CDK11A: variants seen among roughly 807,000 people sequenced by gnomAD.
CDK11A encodes the protein cyclin dependent kinase 11A.
A neutral mutation model predicts 83.6 loss-of-function variants in CDK11A; 55 were observed. That is an observed-to-expected ratio of 0.66 (90% confidence interval 0.53 to 0.82). The LOEUF is 0.82. Ranked by LOEUF, CDK11A falls within the 40% of genes least tolerant of loss-of-function variation. The pLI, the probability that CDK11A is intolerant of heterozygous loss-of-function variation, is 0.00. For missense variants in CDK11A, 564 were observed against 810.1 expected, an observed-to-expected ratio of 0.70 and a Z score of 3.69; for synonymous variants, 247 against 302.7, an observed-to-expected ratio of 0.82 and a Z score of 1.91.
At chr1:1,719,538 G>T in intron 3 of CDK11A, 83 bp from the exon 4 acceptor site, 6 of 1,063,364 alleles carry the variant, frequency 5.6e-6, no homozygotes, top group Non-Finnish European at 3.7e-6. Context: ...TTTCAACCCA[G>T]AAAAATGCAT....
At chr1:1,718,311 A>T (rs34963151) in intron 4 of CDK11A, among the ~76,000 whole-genome samples, 91,891 of 126,536 alleles carry the variant, frequency 0.73, 32,417 homozygotes, top group Non-Finnish European at 0.82. Context: ...CAGCTAGAGT[A>T]TTCTCTCTAT....
chr1:1,703,928 C>T lies in CDK11A; in HGVS notation c.1807G>A (p.Ala603Thr), dbSNP rs1439852483. ...CAGCCCACTGACCACATGTCCACGGCCGTGGAGTATTCCTAAGACGCCAGG... is the reference window on the plus strand; with the variant it reads ...CAGCCCACTGACCACATGTCCACGGTCGTGGAGTATTCCTAAGACGCCAGG... ...LLLGAKEYST[A>T]VDMWSVGCIF... The change falls in exon 17 of 20, where the codon GCC (alanine) becomes ACC (threonine). Residue 603 changes from alanine to threonine, a missense_variant. By Grantham distance (58) the Ala-to-Thr change is moderately conservative. Coordinates refer to ENST00000404249, the MANE Select transcript of CDK11A (RefSeq NM_024011.4). 6.2e-7 allele frequency: 1 copy of T among 1,609,618 alleles called. No homozygotes were observed. Among genetic ancestry groups the T allele is most frequent in the South Asian group, 1.1e-5 (1 of 90,786 alleles).
At chr1:1,703,992 G>A in intron 16 of CDK11A, 47 bp downstream of exon 16, 1 of 1,606,154 alleles carries the variant, frequency 6.2e-7, no homozygotes, top group South Asian at 1.1e-5. Flanking sequence ...GAAGCTGTGG[G>A]AGGCTGCATG....
chr1:1,719,709 C>T (rs1319491709), intron 3 of CDK11A, among the ~76,000 whole-genome samples: 1 of 148,292 alleles, frequency 6.7e-6, no homozygotes, highest in African/African-American at 2.5e-5. Flanking sequence ...TCCACCTTTC[C>T]GGGTTCACAC....
At chr1:1,704,018 A>G (rs1264396398) in intron 16 of CDK11A, 21 bp downstream of exon 16, 1 of 1,600,228 alleles carries the variant, frequency 6.2e-7, no homozygotes, top group African/African-American at 1.3e-5. Context: ...CAGGGGAGGC[A>G]CTCAGACGCC....
intron 3 of CDK11A, among the ~76,000 whole-genome samples, 153 bp from the exon 4 acceptor site, chr1:1,719,608 C>T (rs72909034): frequency 8.9e-6 from 1 of 112,754 alleles, no homozygotes. Flanking sequence ...TCTCCAACTT[C>T]AGGCATCTTT....
rs1026133068 is a variant in CDK11A at position 1,721,819 on chromosome 1, T to G, written c.112-108A>C. On this transcript the variant is annotated intron_variant, in intron 2 of 19. Transcript: ENST00000404249. ...ACCTGGGCAACATCCCAAAACAAAC[T>G]TTCACATGTACTCTGAATGAGCCAG... is the stretch of plus-strand genomic sequence containing the variant. The G allele has an allele frequency of 2.2e-6, 3 of 1,392,176 alleles. No individual in the cohort carries two copies. In the African/African-American group the frequency reaches 4.4e-5, roughly 20 times the overall value. The allele number at this position is 1,392,176 out of a possible 1,614,324, so 86.2% of individuals were successfully genotyped here. A position where few individuals can be genotyped will look rare whatever the true frequency, so the allele number is the denominator to read the frequency against.
Position 1,706,797 on chromosome 1 carries a change from G to A in CDK11A, c.1245+612C>T, listed in dbSNP as rs924075026. On this transcript the variant is annotated intron_variant, in intron 11 of 19. Transcript: ENST00000404249. ...GGCGCTCACAAGGCATAGGGCAGTC[G>A]ACAGAGGCCTGCTGCATGCGCCAGA... Among the ~76,000 whole-genome samples, 17 of 150,610 alleles carry A rather than the reference G, an allele frequency of 1.1e-4. 1 individual carries two copies. The highest frequency in any genetic ancestry group is 2.2e-4 in the Non-Finnish European group (15 of 67,632).
At position 1,702,585 on chromosome 1, in the gene CDK11A, C is replaced by T. The variant is rs1395758392; in HGVS notation, c.*322G>A. 2.2e-5 allele frequency: 5 copies of T among 225,092 alleles called. No individual in the cohort carries two copies. The South Asian group carries it at 2.9e-4, about 13-fold the overall frequency. 13.9% of individuals were successfully genotyped at this position (225,092 alleles called of 1,614,324 possible). A position where few individuals can be genotyped will look rare whatever the true frequency, so the allele number is the denominator to read the frequency against. ...TCTCCAGCTCCGAAGATTAAACAAT[C>T]CACCCGGCTCCCACCAGTTCCTTTC... is the stretch of plus-strand genomic sequence containing the variant. On this transcript the variant is annotated 3_prime_UTR_variant, in exon 20 of 20. Coordinates refer to ENST00000404249, the MANE Select transcript of CDK11A (RefSeq NM_024011.4).
At chr1:1,722,565 A>ATTTGAATATTTTTCTTAATTT (rs554589140) in intron 2 of CDK11A, 143 bp downstream of exon 2, 1 of 287,562 alleles carries the variant, frequency 3.5e-6, no homozygotes, top group Non-Finnish European at 6.9e-6. Context: ...TCAACTGAAT[A>ATTTGAATATTTTTCTTAATTT]TTAGAATACA....
In CDK11A at chr1:1,721,524, G is replaced by A. The variant is rs535469099; in HGVS notation, c.227+72C>T. 1.1e-4 allele frequency: 169 copies of A among 1,520,780 alleles called. 4 individuals are homozygous for A. In the African/African-American group the frequency reaches 1.9e-3, roughly 17 times the overall value. The allele number at this position is 1,520,780 out of a possible 1,614,324, so 94.2% of individuals were successfully genotyped here. On this transcript the variant is annotated intron_variant, in intron 3 of 19. Coordinates refer to ENST00000404249, the MANE Select transcript of CDK11A (RefSeq NM_024011.4). ...GTTACAATAGCACACAGTTGTCACA[G>A]TGACCCTAGGAAGGACTGGCCAGGC...
rs749952146 is a variant in CDK11A at position 1,704,616 on chromosome 1, C to G, written c.1498G>C (p.Val500Leu). Residue 500 changes from valine to leucine, a missense_variant, in exon 14 of 20, where the codon GTG becomes CTG. Transcript: ENST00000404249. ...VGSNMDKIYIVMNYVEHDLKS... is the reference protein window; with the variant it reads ...VGSNMDKIYILMNYVEHDLKS... ...AGGTCGTGCTCCACGTAGTTCATCA[C>G]GATGTAGATCTTGTCCATGTTGCTG... is the stretch of plus-strand genomic sequence containing the variant. The G allele has an allele frequency of 2.5e-6, 4 of 1,599,988 alleles. No homozygotes were observed. The South Asian group carries it at 4.5e-5, about 18-fold the overall frequency.
chr1:1,715,633 G>C (rs2101256100), intron 5 of CDK11A, among the ~76,000 whole-genome samples: 1 of 150,664 alleles, frequency 6.6e-6, no homozygotes, highest in East Asian at 1.9e-4. Context: ...ATCTTTACAT[G>C]CTGTGTACCC....
chr1:1,710,588 C>T (rs61776845), intron 6 of CDK11A, among the ~76,000 whole-genome samples: 107,157 of 132,608 alleles, frequency 0.81, 44,177 homozygotes, highest in Non-Finnish European at 0.92. Flanking sequence ...AACAAAGAAA[C>T]AGGACAGTAT....
At chr1:1,703,727 C>G (rs1344449910) in intron 17 of CDK11A, 97 bp downstream of exon 17, 1 of 1,550,586 alleles carries the variant, frequency 6.4e-7, no homozygotes, top group East Asian at 2.4e-5. Flanking sequence ...CTCAGTGGCC[C>G]TGGTCCCCAT....
chr1:1,716,072 G>A lies in CDK11A; in HGVS notation c.488+274C>T, dbSNP rs139479136. Among the ~76,000 whole-genome samples the A allele has an allele frequency of 1.7e-3, 262 of 150,840 alleles. 7 individuals carry two copies. The highest frequency in any genetic ancestry group is 6.2e-3 in the African/African-American group (257 of 41,134). On this transcript the variant is annotated intron_variant, in intron 5 of 19. Coordinates refer to ENST00000404249, the MANE Select transcript of CDK11A (RefSeq NM_024011.4). The stretch of plus-strand genomic sequence containing the variant: ...CTCGTAAGTGCTGGAATTCTAGCGT[G>A]AGCCACTGCGCCCGGCGGGACGTGC...
At chr1:1,715,062 G>A (rs903228108) in intron 5 of CDK11A, among the ~76,000 whole-genome samples, 2 of 146,410 alleles carry the variant, frequency 1.4e-5, no homozygotes, top group Non-Finnish European at 3.0e-5. Flanking sequence ...TGGAACCTCC[G>A]TGCTTCCAAG....
At chr1:1,708,411 C>T (rs1378537515) in intron 9 of CDK11A, among the ~76,000 whole-genome samples, 166 bp from the exon 10 acceptor site, 40 of 149,758 alleles carry the variant, frequency 2.7e-4, no homozygotes, top group Admixed American at 9.3e-4. Flanking sequence ...GAGGCCGAGG[C>T]GGGTGGATCA....
chr1:1,718,241 G>A (rs1179532438), intron 4 of CDK11A, among the ~76,000 whole-genome samples: 1 of 146,278 alleles, frequency 6.8e-6, no homozygotes, highest in Non-Finnish European at 1.5e-5. Context: ...TGTGACACAC[G>A]CATGCTTTCA....
Sources: gnomAD v4.1 joint callset for allele counts (sites outside exome capture counted in the v4.1 genomes callset) on GRCh38, gnomAD v4.1.1 for gene constraint, MANE v1.5 for transcripts, NCBI Gene and HGNC (gene_info 2026-07-23, HGNC 2026-07-21) for gene names.